The following ZNF333 variants were observed in gnomAD, a reference collection of about 807,000 sequenced individuals.
The protein encoded by ZNF333 is zinc finger protein 333.
In ZNF333, 61 loss-of-function variants were observed where a neutral mutation model predicts 76.1. That is an observed-to-expected ratio of 0.80 (90% CI 0.65 to 0.99). The LOEUF (loss-of-function observed/expected upper bound fraction) is 0.99, where lower values mean the gene tolerates loss of function less well. Among genes scored for constraint, ZNF333 ranks in the 50% least tolerant of loss-of-function variants. The pLI, the probability that ZNF333 is intolerant of heterozygous loss-of-function variation, is 0.00. For missense variants in ZNF333, 717 were observed against 822.4 expected, an observed-to-expected ratio of 0.87 and a Z score of 1.57; for synonymous variants, 284 against 305.0, an observed-to-expected ratio of 0.93 and a Z score of 0.72.
chr19:14,727,174 T>C (rs1018234809), intron 11 of ZNF333, among the ~76,000 whole-genome samples: 19 of 151,930 alleles, frequency 1.3e-4, no homozygotes, highest in African/African-American at 3.6e-4. Context: ...ACTACAGGTG[T>C]CCGCCACCAC....
chr19:14,718,924 CTGTA>C lies in ZNF333; in HGVS notation c.1600_1603del (p.Tyr534SerfsTer9). 2.5e-6 allele frequency: 4 copies of C among 1,614,142 alleles called. No homozygotes were observed. Among genetic ancestry groups the C allele is most frequent in the Non-Finnish European group, 3.4e-6 (4 of 1,180,012 alleles). On this transcript the variant is annotated frameshift_variant, in exon 12 of 12. Coordinates refer to ENST00000292530, the MANE Select transcript of ZNF333 (RefSeq NM_032433.4). LOFTEE classifies it high-confidence loss of function. ...CAAGAGGATACACACAGGGGAGAAA[CTGTA>C]TGAGTGCGCGACTTGCGGTCAGGTC...
chr19:14,729,856 A>T (rs55678034), intron 11 of ZNF333, among the ~76,000 whole-genome samples: 2,207 of 152,304 alleles, frequency 0.014, 18 homozygotes, highest in Non-Finnish European at 0.02. Flanking sequence ...ACATCCATTA[A>T]ACATCATGTT....
intron 4 of ZNF333, among the ~76,000 whole-genome samples, chr19:14,698,412 G>A (rs540289007): frequency 6.7e-6 from 1 of 149,852 alleles, no homozygotes; most frequent in South Asian, 2.1e-4. Flanking sequence ...GGGCATGGTG[G>A]TGCATGCCTG....
chr19:14,694,163 T>C (rs1972986710), intron 2 of ZNF333, among the ~76,000 whole-genome samples: 1 of 152,096 alleles, frequency 6.6e-6, no homozygotes, highest in South Asian at 2.1e-4. Flanking sequence ...CTCTGAAGAA[T>C]TCTGCAATTA....
At chr19:14,730,006 A>G (rs191953499) in intron 11 of ZNF333, among the ~76,000 whole-genome samples, 46 of 152,302 alleles carry the variant, frequency 3.0e-4, no homozygotes, top group African/African-American at 1.1e-3. Flanking sequence ...TGACTACTTT[A>G]GCCAAAAAGA....
chr19:14,724,387 G>C (rs1176829814), downstream of ZNF333, among the ~76,000 whole-genome samples: 1 of 152,168 alleles, frequency 6.6e-6, no homozygotes, highest in African/African-American at 2.4e-5. Flanking sequence ...TGGCAACCTG[G>C]TCCACAGTGG....
At chr19:14,690,645 TTGAA>T (rs1361976376) in intron 1 of ZNF333, among the ~76,000 whole-genome samples, 2 of 152,204 alleles carry the variant, frequency 1.3e-5, no homozygotes, top group Admixed American at 6.5e-5. Flanking sequence ...ACTTAAAAAA[TTGAA>T]TGCATCCTCC....
intron 7 of ZNF333, among the ~76,000 whole-genome samples, chr19:14,709,620 G>T (rs1248398820): frequency 6.6e-6 from 1 of 152,196 alleles, no homozygotes; most frequent in Non-Finnish European, 1.5e-5. Flanking sequence ...GGTGATAAAG[G>T]TTAAATAAGG....
chr19:14,712,596 C>T lies in ZNF333; in HGVS notation c.512-2786C>T, dbSNP rs376262769. On this transcript the variant is annotated intron_variant, in intron 7 of 11. Transcript: ENST00000292530. ...TCCGAAATTAAGGTGTCGACAGGGCCGTGCTCCCTCTGATGGCTCGGGGGG... is the reference window on the plus strand; with the variant it reads ...TCCGAAATTAAGGTGTCGACAGGGCTGTGCTCCCTCTGATGGCTCGGGGGG... Among the ~76,000 whole-genome samples the T allele has an allele frequency of 7.4e-4, 112 of 152,164 alleles. 1 individual carries two copies. The highest frequency in any genetic ancestry group is 2.5e-3 in the African/African-American group (104 of 41,510).
chr19:14,693,402 T>C, intron 1 of ZNF333, 49 bp from the exon 2 acceptor site: 1 of 1,464,696 alleles, frequency 6.8e-7, no homozygotes, highest in Non-Finnish European at 9.3e-7. Context: ...CAAAATGCTC[T>C]GCTTCCGTCC....
At chr19:14,716,886 C>G in intron 9 of ZNF333, 108 bp from the exon 10 acceptor site, 3 of 931,192 alleles carry the variant, frequency 3.2e-6, no homozygotes, top group Non-Finnish European at 4.8e-6. Context: ...TAGGCACATG[C>G]ATTTTGCCAC....
At position 14,719,632 on chromosome 19, in the gene ZNF333, T is replaced by C. The variant is rs184799602; in HGVS notation, c.*307T>C. 31 of 1,115,118 alleles carry C rather than the reference T, an allele frequency of 2.8e-5. No homozygotes were observed. The highest frequency in any genetic ancestry group is 3.3e-5 in the Non-Finnish European group (30 of 912,032). The allele number at this position is 1,115,118 out of a possible 1,614,324, so 69.1% of individuals were successfully genotyped here. On this transcript the variant is annotated 3_prime_UTR_variant, in exon 12 of 12. Transcript: ENST00000292530. ...TGTAACCACCACCCCATTCCAGATA[T>C]AGAATGTTTCTATCTCTCTGGAAGG... is the stretch of plus-strand genomic sequence containing the variant.
intron 4 of ZNF333, among the ~76,000 whole-genome samples, chr19:14,698,893 A>AATATAT (rs1555771012): frequency 1.6e-4 from 18 of 113,094 alleles, no homozygotes; most frequent in Non-Finnish European, 1.8e-4. Context: ...CACACACACA[A>AATATAT]ATATAGATAT....
rs1468240664 is a variant in ZNF333 at position 14,718,218 on chromosome 19, T to G, written c.901-10T>G. The G allele has an allele frequency of 1.3e-6, 2 of 1,594,920 alleles. No individual in the cohort carries two copies. The highest frequency in any genetic ancestry group is 8.5e-7 in the Non-Finnish European group (1 of 1,171,774). On this transcript the variant is annotated splice_polypyrimidine_tract_variant and intron_variant, in intron 11 of 11. Coordinates refer to ENST00000292530, the MANE Select transcript of ZNF333 (RefSeq NM_032433.4). ...AGGCCTTTGGTCTTCACATTTTCCT[T>G]CATCGACAGGAGCAACCTCAGCCTG...
chr19:14,701,102 G>T (rs1278364279), intron 5 of ZNF333, among the ~76,000 whole-genome samples: 1 of 152,216 alleles, frequency 6.6e-6, no homozygotes, highest in Non-Finnish European at 1.5e-5. Context: ...ACACCCTCCA[G>T]TAGCTCCTTG....
chr19:14,714,013 T>A (rs536140104), intron 7 of ZNF333, among the ~76,000 whole-genome samples: 68 of 152,082 alleles, frequency 4.5e-4, no homozygotes, highest in African/African-American at 1.5e-3. Context: ...ATCAGTGGGA[T>A]TTCCCAGCAC....
At chr19:14,692,833 T>TA (rs1972874369) in intron 1 of ZNF333, among the ~76,000 whole-genome samples, 2 of 151,384 alleles carry the variant, frequency 1.3e-5, no homozygotes, top group African/African-American at 4.9e-5. Flanking sequence ...TCTTTTTTTT[T>TA]TTTTCTTGAC....
rs1275189324 is a variant in ZNF333, at chr19:14,699,218, A to T, written c.243A>T (p.Lys81Asn). Residue 81 changes from lysine (K) to asparagine (N), a missense_variant, in exon 5 of 12, where the codon AAA (lysine) becomes AAT (asparagine). Lys to Asn is a moderately conservative substitution (Grantham distance 94). Transcript: ENST00000292530. ...TTTCAGCCTGGGAATCTCAACTTAA[A>T]CCCGAAGAGTTGCCTTCTATGCAGG... ...ATGVAWESQL[K>N]PEELPSMQDL... 1 of 1,613,832 alleles carries T rather than the reference A, an allele frequency of 6.2e-7. No individual in the cohort carries two copies. The highest frequency in any genetic ancestry group is 1.7e-5 in the Admixed American group (1 of 59,996).
chr19:14,695,684 A>C, intron 4 of ZNF333, 23 bp downstream of exon 4: 1 of 1,609,330 alleles, frequency 6.2e-7, no homozygotes, highest in Non-Finnish European at 8.5e-7. Context: ...CAGGCTGTGG[A>C]TCCCCCGACC....
Sources: allele counts gnomAD v4.1 joint callset (sites outside exome capture counted in the v4.1 genomes callset), GRCh38; gene constraint gnomAD v4.1.1; transcripts MANE v1.5; gene names NCBI Gene and HGNC (gene_info 2026-07-23, HGNC 2026-07-21).